IL31RA: variants seen among roughly 807,000 people sequenced by gnomAD.
The protein encoded by IL31RA is interleukin 31 receptor A.
In IL31RA, 66 loss-of-function variants were observed where a neutral mutation model predicts 83.7. That is an observed-to-expected ratio of 0.79 (90% CI 0.65 to 0.97). The LOEUF (loss-of-function observed/expected upper bound fraction) is 0.97. IL31RA is among the 50% of genes least tolerant of loss of function. IL31RA has a pLI of 0.00. For missense variants in IL31RA, 798 were observed against 919.4 expected (o/e 0.87, Z 1.71); for synonymous variants, 325 against 329.0 (o/e 0.99, Z 0.13).
chr5:55,852,852 A>T (rs1745141746), intron 1 of IL31RA, among the ~76,000 whole-genome samples: 3 of 152,152 alleles, frequency 2.0e-5, no homozygotes, highest in Admixed American at 6.5e-5. Flanking sequence ...TTTTGACCTC[A>T]GTTTCCTTGC....
chr5:55,914,213 C>T (rs376514832), intron 13 of IL31RA, among the ~76,000 whole-genome samples: 1 of 152,236 alleles, frequency 6.6e-6, no homozygotes, highest in East Asian at 1.9e-4. Flanking sequence ...CTCTGTCAAG[C>T]AGCTGCACTT....
At chr5:55,901,674 G>C (rs2112533878) in intron 8 of IL31RA, among the ~76,000 whole-genome samples, 1 of 151,642 alleles carries the variant, frequency 6.6e-6, no homozygotes, top group South Asian at 2.1e-4. Context: ...GGAGTGCAAT[G>C]GTGTGATCTC....
chr5:55,868,294 C>G (rs1746310460), intron 2 of IL31RA, among the ~76,000 whole-genome samples: 1 of 152,094 alleles, frequency 6.6e-6, no homozygotes, highest in Non-Finnish European at 1.5e-5. Flanking sequence ...CTCTCAGGAG[C>G]AAGATTTCTA....
chr5:55,922,535 A>G lies in IL31RA; in HGVS notation c.*5415A>G. 3 of 993,838 alleles carry G rather than the reference A, an allele frequency of 3.0e-6. No individual in the cohort carries two copies. The South Asian group carries it at 4.7e-5, about 15-fold the overall frequency. The allele number at this position is 993,838 out of a possible 1,614,324, so 61.6% of individuals were successfully genotyped here. A position where few individuals can be genotyped will look rare whatever the true frequency, so the allele number is the denominator to read the frequency against. Reference sequence around the variant, plus strand: ...AGACTGAATCTGTGGCCCCAAGAGAACCATCTCTGAAGACTGGGTATGTGG... The same window carrying G: ...AGACTGAATCTGTGGCCCCAAGAGAGCCATCTCTGAAGACTGGGTATGTGG... On this transcript the variant is annotated 3_prime_UTR_variant, in exon 15 of 15. Coordinates refer to ENST00000652347, the MANE Select transcript of IL31RA (RefSeq NM_139017.7).
At chr5:55,892,767 C>T (rs1418386612) in intron 6 of IL31RA, among the ~76,000 whole-genome samples, 1 of 152,208 alleles carries the variant, frequency 6.6e-6, no homozygotes, top group African/African-American at 2.4e-5. Context: ...TCCCTCGTGT[C>T]AGTTTTCTCA....
At chr5:55,906,337 A>C in intron 9 of IL31RA, 49 bp downstream of exon 9, 1 of 1,551,796 alleles carries the variant, frequency 6.4e-7, no homozygotes, top group Non-Finnish European at 8.9e-7. Context: ...GTTTGGTTTC[A>C]TTTTCATCCA....
the IL31RA span, among the ~76,000 whole-genome samples, chr5:55,844,455 G>GAGTTGACCT: frequency 2.6e-5 from 4 of 152,168 alleles, no homozygotes; most frequent in Admixed American, 6.5e-5. Context: ...TTCTTATTGT[G>GAGTTGACCT]AGTTGACCTA....
At chr5:55,886,171 G>T (rs1274962279) in intron 5 of IL31RA, among the ~76,000 whole-genome samples, 1 of 151,370 alleles carries the variant, frequency 6.6e-6, no homozygotes, top group African/African-American at 2.4e-5. Context: ...GAGGTAAAAT[G>T]TCCTGCCTCC....
chr5:55,882,948 C>G, intron 4 of IL31RA, 96 bp from the exon 5 acceptor site: 1 of 1,142,382 alleles, frequency 8.8e-7, no homozygotes, highest in South Asian at 1.2e-5. Context: ...TAGCAGACCA[C>G]AATGCACGTA....
chr5:55,842,757 G>A, the IL31RA span, among the ~76,000 whole-genome samples: 90,025 of 152,030 alleles, frequency 0.59, 27,935 homozygotes, highest in Non-Finnish European at 0.69. Context: ...TTTTGCTTCC[G>A]CAGTGTCAAG....
At position 55,916,705 on chromosome 5, in the gene IL31RA, C is replaced by A; in HGVS notation, c.1880C>A (p.Pro627Gln). ...SVNTEDRILK[P>Q]CSTPSDKLVI... ...AACACAGAAGACAGGATCTTAAAAC[C>A]ATGTTCCACCCCCAGTGACAAGTTG... Residue 627 changes from proline (P) to glutamine (Q), a missense_variant, in exon 15 of 15, where the codon CCA becomes CAA. Transcript: ENST00000652347. 6.2e-7 allele frequency: 1 copy of A among 1,614,200 alleles called. No individual in the cohort carries two copies. Among genetic ancestry groups the A allele is most frequent in the Non-Finnish European group, 8.5e-7 (1 of 1,180,018 alleles).
chr5:55,895,306 G>C (rs1443073967), intron 6 of IL31RA, among the ~76,000 whole-genome samples: 5 of 152,140 alleles, frequency 3.3e-5, no homozygotes, highest in African/African-American at 1.2e-4. Context: ...TGGGTGGGTC[G>C]TTCTCTAATC....
chr5:55,909,084 T>C lies in IL31RA; in HGVS notation c.1501+673T>C, dbSNP rs1324794701. 1.7e-5 allele frequency: 3 copies of C among 173,338 alleles called. No homozygotes were observed. In the Admixed American group the frequency reaches 1.8e-4, roughly 10 times the overall value. The allele number at this position is 173,338 out of a possible 1,614,324, so 10.7% of individuals were successfully genotyped here. On this transcript the variant is annotated intron_variant, in intron 11 of 14. Transcript: ENST00000652347. ...CCACAGCCCCTGGCAACTACCAAAC[T>C]GCTTTGTGTCTCTATGGATTGCCTA...
chr5:55,893,552 C>A (rs1748145788), intron 6 of IL31RA, among the ~76,000 whole-genome samples: 1 of 151,990 alleles, frequency 6.6e-6, no homozygotes. Context: ...CCTTACATTT[C>A]CCCCTTTGAT....
chr5:55,886,844 C>T (rs760703485), intron 5 of IL31RA, among the ~76,000 whole-genome samples: 1 of 152,208 alleles, frequency 6.6e-6, no homozygotes, highest in Non-Finnish European at 1.5e-5. Flanking sequence ...ACCTCTCCTG[C>T]CCCAATCTCC....
At chr5:55,907,309 C>G (rs576425341) in intron 9 of IL31RA, 50 bp from the exon 10 acceptor site, 22 of 1,074,658 alleles carry the variant, frequency 2.0e-5, no homozygotes, top group East Asian at 1.7e-4. Context: ...AGTATTCCCC[C>G]CACTCTGCCG....
rs561930117 is a variant in IL31RA, at chr5:55,858,083, T to C, written c.64-1426T>C. On this transcript the variant is annotated intron_variant, in intron 1 of 14. Coordinates refer to ENST00000652347, the MANE Select transcript of IL31RA (RefSeq NM_139017.7). ...ACAAATAATAGCTGAGTATTTTTAT[T>C]GTAAAGGAGTCAAGCAATAATTACC... 2.0e-5 allele frequency among the ~76,000 whole-genome samples: 3 copies of C among 152,318 alleles called. No homozygotes were observed. In the East Asian group the frequency reaches 5.8e-4, roughly 29 times the overall value.
rs1220283277 is a variant in IL31RA, at chr5:55,910,518, T to C, written c.1502-14T>C. 6.2e-7 allele frequency: 1 copy of C among 1,613,970 alleles called. No homozygotes were observed. Among genetic ancestry groups the C allele is most frequent in the Non-Finnish European group, 8.5e-7 (1 of 1,179,982 alleles). On this transcript the variant is annotated splice_polypyrimidine_tract_variant and intron_variant, in intron 11 of 14. Coordinates refer to ENST00000652347, the MANE Select transcript of IL31RA (RefSeq NM_139017.7). ...GTTTGGCTGTGGTGTTTGACCTTTG[T>C]ATTTTTCCTTTAGCCAAGACAGTCA...
At chr5:55,867,395 A>G (rs1746253488) in intron 2 of IL31RA, among the ~76,000 whole-genome samples, 3 of 152,042 alleles carry the variant, frequency 2.0e-5, no homozygotes, top group Admixed American at 1.3e-4. Flanking sequence ...TCTCAAAACA[A>G]TGTTTGTAAA....
Sources: gnomAD v4.1 joint callset for allele counts (sites outside exome capture counted in the v4.1 genomes callset) on GRCh38, gnomAD v4.1.1 for gene constraint, MANE v1.5 for transcripts, NCBI Gene and HGNC (gene_info 2026-07-23, HGNC 2026-07-21) for gene names.